The following NKAIN2 variants were observed in gnomAD, a reference collection of about 807,000 sequenced individuals.
NKAIN2 encodes sodium/potassium transporting ATPase interacting 2, also known as sodium/potassium-transporting ATPase subunit beta-1-interacting protein 2.
NKAIN2 carries 14 observed loss-of-function variants against 32.6 expected under a neutral mutation model. That is an observed-to-expected ratio of 0.43 (90% CI 0.28 to 0.67). NKAIN2 has a LOEUF of 0.67. NKAIN2 is among the 30% of genes least tolerant of loss of function. The pLI is 0.17. For synonymous variants in NKAIN2, 80 were observed against 87.2 expected, an observed-to-expected ratio of 0.92 and a Z score of 0.46; for missense variants, 198 against 258.3, an observed-to-expected ratio of 0.77 and a Z score of 1.60.
chr6:124,743,603 C>T (rs567299495), intron 4 of NKAIN2, among the ~76,000 whole-genome samples: 123 of 151,942 alleles, frequency 8.1e-4, no homozygotes, highest in African/African-American at 2.8e-3. Context: ...GTAATGATAA[C>T]ATGATATCCC....
intron 1 of NKAIN2, among the ~76,000 whole-genome samples, chr6:124,160,540 A>C (rs114825234): frequency 3.4e-3 from 512 of 152,302 alleles, no homozygotes; most frequent in African/African-American, 0.011. Context: ...CAAGTTAAAT[A>C]TTTAACATAT....
At chr6:123,935,093 G>T (rs936435556) in intron 1 of NKAIN2, among the ~76,000 whole-genome samples, 2 of 145,504 alleles carry the variant, frequency 1.4e-5, no homozygotes, top group Non-Finnish European at 3.0e-5. Flanking sequence ...GGAATATATA[G>T]ATATTTCATA....
intron 3 of NKAIN2, among the ~76,000 whole-genome samples, chr6:124,530,752 G>A (rs541352282): frequency 2.6e-5 from 4 of 152,264 alleles, no homozygotes; most frequent in South Asian, 2.1e-4. Context: ...GTTTAACACC[G>A]AAGTCTGAGA....
intron 4 of NKAIN2, among the ~76,000 whole-genome samples, chr6:124,733,477 A>C (rs1776784494): frequency 6.6e-6 from 1 of 151,882 alleles, no homozygotes; most frequent in Non-Finnish European, 1.5e-5. Context: ...TGGAAGACTA[A>C]AGGAAAAAGA....
At chr6:123,912,242 A>G (rs2114461157) in intron 1 of NKAIN2, among the ~76,000 whole-genome samples, 1 of 152,222 alleles carries the variant, frequency 6.6e-6, no homozygotes, top group South Asian at 2.1e-4. Flanking sequence ...ACTGGATTTC[A>G]GCTGTAACAT....
intron 3 of NKAIN2, among the ~76,000 whole-genome samples, chr6:124,557,791 A>C (rs1780531600): frequency 6.6e-6 from 1 of 152,232 alleles, no homozygotes; most frequent in Admixed American, 6.5e-5. Flanking sequence ...ATTGGCTTAA[A>C]GAAGAGGTTT....
At chr6:124,367,310 G>T (rs928037119) in intron 3 of NKAIN2, among the ~76,000 whole-genome samples, 105 of 152,112 alleles carry the variant, frequency 6.9e-4, no homozygotes, top group Non-Finnish European at 2.2e-4. Context: ...AAAATGTCAG[G>T]CATATGAACA....
At chr6:124,579,070 A>G (rs1781434036) in intron 3 of NKAIN2, among the ~76,000 whole-genome samples, 2 of 152,198 alleles carry the variant, frequency 1.3e-5, no homozygotes, top group Admixed American at 1.3e-4. Context: ...GGCTGCAGTG[A>G]TCAAAAACTT....
At chr6:124,171,974 A>G (rs1463857816) in intron 1 of NKAIN2, among the ~76,000 whole-genome samples, 4 of 148,762 alleles carry the variant, frequency 2.7e-5, no homozygotes, top group Middle Eastern at 3.6e-3. Flanking sequence ...TGCCACGCCC[A>G]GCTAATTTTT....
chr6:124,731,332 C>A (rs1271301620), intron 4 of NKAIN2, among the ~76,000 whole-genome samples: 1 of 151,548 alleles, frequency 6.6e-6, no homozygotes, highest in Non-Finnish European at 1.5e-5. Context: ...CAATGATAGA[C>A]TGGATTAAGA....
intron 3 of NKAIN2, among the ~76,000 whole-genome samples, chr6:124,499,485 T>C (rs769043798): frequency 6.6e-6 from 1 of 152,216 alleles, no homozygotes; most frequent in Non-Finnish European, 1.5e-5. Context: ...CTTGTTTTTC[T>C]GGATGAAATA....
chr6:124,646,587 C>T (rs997955574), intron 3 of NKAIN2, among the ~76,000 whole-genome samples: 1 of 152,150 alleles, frequency 6.6e-6, no homozygotes, highest in African/African-American at 2.4e-5. Context: ...ACAGCAACAA[C>T]AACAACAAAA....
intron 4 of NKAIN2, among the ~76,000 whole-genome samples, chr6:124,728,372 GCAAT>G (rs1419770868): frequency 1.0e-5 from 1 of 97,596 alleles, no homozygotes; most frequent in African/African-American, 4.0e-5. Context: ...AGACCACAGT[GCAAT>G]CAAACTAGAA....
intron 3 of NKAIN2, among the ~76,000 whole-genome samples, chr6:124,554,450 A>G (rs1176565497): frequency 6.6e-6 from 1 of 152,220 alleles, no homozygotes. Flanking sequence ...AGAAGGACCC[A>G]AGGTTGCTTC....
intron 1 of NKAIN2, among the ~76,000 whole-genome samples, chr6:124,219,382 A>G (rs561116013): frequency 6.7e-6 from 1 of 149,240 alleles, no homozygotes; most frequent in East Asian, 2.0e-4. Context: ...GGTTTAAGTG[A>G]TTCTCCTGCC....
intron 4 of NKAIN2, among the ~76,000 whole-genome samples, chr6:124,743,299 C>A (rs1019149990): frequency 6.6e-6 from 1 of 151,768 alleles, no homozygotes; most frequent in Non-Finnish European, 1.5e-5. Flanking sequence ...ATGTGGTAAA[C>A]CCTCAATGTG....
intron 1 of NKAIN2, chr6:123,829,196 C>T (rs2114908298): frequency 6.6e-6 from 1 of 152,308 alleles, no homozygotes; most frequent in Non-Finnish European, 1.5e-5. Context: ...TCTAACTCTA[C>T]TTTCTCCTTA....
chr6:124,784,228 T>C (rs1414057250), intron 4 of NKAIN2, among the ~76,000 whole-genome samples: 1 of 152,128 alleles, frequency 6.6e-6, no homozygotes, highest in African/African-American at 2.4e-5. Context: ...GAGATTCTGT[T>C]TACACTTTAC....
At chr6:124,340,731 T>C (rs1798079547) in intron 2 of NKAIN2, among the ~76,000 whole-genome samples, 1 of 152,212 alleles carries the variant, frequency 6.6e-6, no homozygotes, top group African/African-American at 2.4e-5. Flanking sequence ...CGTTCAAGTT[T>C]CTAATTTATT....
Sources: gnomAD v4.1 joint callset for allele counts (sites outside exome capture counted in the v4.1 genomes callset) on GRCh38, gnomAD v4.1.1 for gene constraint, MANE v1.5 for transcripts, NCBI Gene and HGNC (gene_info 2026-07-23, HGNC 2026-07-21) for gene names.